Variants in OR51B5 observed in about 807,000 individuals in gnomAD.
OR51B5 encodes olfactory receptor 51B5.
For missense variants in OR51B5, 456 were observed against 374.6 expected, an observed-to-expected ratio of 1.22 and a Z score of -1.79; for synonymous variants, 186 against 144.8, an observed-to-expected ratio of 1.28 and a Z score of -2.04.
At chr11:5,454,009 T>C (rs992437080) in intron 1 of OR51B5, 2 of 1,614,020 alleles carry the variant, frequency 1.2e-6, no homozygotes, top group Non-Finnish European at 1.7e-6. Context: ...TCCAATGTTC[T>C]TTCTCACTCC....
At chr11:5,486,320 C>T (rs1851498989) in intron 1 of OR51B5, among the ~76,000 whole-genome samples, 1 of 152,096 alleles carries the variant, frequency 6.6e-6, no homozygotes, top group Admixed American at 6.5e-5. Flanking sequence ...TATTTATCTG[C>T]CTTTGCTAAA....
At chr11:5,430,530 T>TG in intron 1 of OR51B5, 1 of 362,810 alleles carries the variant, frequency 2.8e-6, no homozygotes, top group East Asian at 7.3e-5. Context: ...TCAAGCCTGT[T>TG]GCAATACTTT....
intron 1 of OR51B5, among the ~76,000 whole-genome samples, chr11:5,466,702 G>C (rs2133797913): frequency 6.6e-6 from 1 of 152,322 alleles, no homozygotes; most frequent in Admixed American, 6.5e-5. Flanking sequence ...GGGATCCTCT[G>C]AAGGGAGAGG....
chr11:5,351,350 A>C (rs1395365709), intron 1 of OR51B5, among the ~76,000 whole-genome samples: 1 of 152,172 alleles, frequency 6.6e-6, no homozygotes, highest in Non-Finnish European at 1.5e-5. Flanking sequence ...CATACCTAGG[A>C]TCTCCCAGGA....
intron 1 of OR51B5, chr11:5,454,366 G>A (rs773340123): frequency 1.2e-6 from 2 of 1,613,706 alleles, no homozygotes; most frequent in African/African-American, 1.3e-5. Context: ...CTCATTTATA[G>A]CGCCAAGACA....
At position 5,415,575 on chromosome 11, in the gene OR51B5, G is replaced by A. The variant is rs200386923; in HGVS notation, n.85-68665C>T. On this transcript the variant is annotated intron_variant and non_coding_transcript_variant, in intron 1 of 4. Transcript: ENST00000415970. Reference sequence around the variant, plus strand: ...GAGAGAAGAATCAAATAGATGCAATGAAAAATGATAAAGGGGATATCACCA... The same window carrying A: ...GAGAGAAGAATCAAATAGATGCAATAAAAAATGATAAAGGGGATATCACCA... Among the ~76,000 whole-genome samples, 568 of 152,090 alleles carry A rather than the reference G, an allele frequency of 3.7e-3. 6 individuals carry two copies. The highest frequency in any genetic ancestry group is 0.012 in the African/African-American group (518 of 41,482).
intron 1 of OR51B5, chr11:5,440,640 A>G: frequency 6.2e-7 from 1 of 1,613,868 alleles, no homozygotes. Flanking sequence ...ACTGTAGATG[A>G]TAGGGTTGAG....
chr11:5,467,623 T>C (rs1309922807), intron 1 of OR51B5, among the ~76,000 whole-genome samples: 1 of 152,216 alleles, frequency 6.6e-6, no homozygotes, highest in Non-Finnish European at 1.5e-5. Flanking sequence ...CTTGGCATGG[T>C]TTTTCAGAGG....
chr11:5,477,470 G>C (rs1238350144), intron 1 of OR51B5, among the ~76,000 whole-genome samples: 1 of 152,106 alleles, frequency 6.6e-6, no homozygotes, highest in Non-Finnish European at 1.5e-5. Flanking sequence ...TTCTGTCTCA[G>C]TTTATTACAA....
intron 1 of OR51B5, chr11:5,505,276 T>A: frequency 7.7e-7 from 1 of 1,290,882 alleles, no homozygotes; most frequent in Non-Finnish European, 1.0e-6. Flanking sequence ...CTCAGACCTA[T>A]CTGGACTTCC....
intron 1 of OR51B5, among the ~76,000 whole-genome samples, chr11:5,366,497 T>TAC (rs2133702773): frequency 6.6e-6 from 1 of 152,122 alleles, no homozygotes; most frequent in African/African-American, 2.4e-5. Context: ...TAATTGCAGC[T>TAC]ACACAGGAGG....
In OR51B5 at chr11:5,343,032, G is replaced by GA. The variant is rs752203618; in HGVS notation, c.492dup (p.Leu165SerfsTer20). ...GAAAGAACATGGGAGTGACAATACA[G>GA]AAAAAAATAGAGGGGCCTGATTGGG... On this transcript the variant is annotated frameshift_variant, in exon 1 of 1. Transcript: ENST00000300773. LOFTEE classifies it low-confidence loss of function (END_TRUNC). 32 of 1,613,204 alleles carry GA rather than the reference G, an allele frequency of 2.0e-5. No homozygotes were observed. In the East Asian group the frequency reaches 6.7e-4, roughly 34 times the overall value.
intron 1 of OR51B5, chr11:5,469,114 C>G: frequency 4.2e-6 from 1 of 236,084 alleles, no homozygotes; most frequent in Non-Finnish European, 8.5e-6. Context: ...GGATGAAGAA[C>G]GTCTGGGCCA....
rs1342079137 is a variant in OR51B5 at position 5,351,510 on chromosome 11, G to A, written n.85-4600C>T. ...TTTGCCTCTTTGCAAAGCTGGCAATGGGGCTCAATAAGTCTGCTTCCACCT... is the reference window on the plus strand; with the variant it reads ...TTTGCCTCTTTGCAAAGCTGGCAATAGGGCTCAATAAGTCTGCTTCCACCT... On this transcript the variant is annotated intron_variant and non_coding_transcript_variant, in intron 1 of 4. Transcript: ENST00000415970. 3 of 1,606,022 alleles carry A rather than the reference G, an allele frequency of 1.9e-6. No homozygotes were observed. In the South Asian group the frequency reaches 3.3e-5, roughly 18 times the overall value.
At chr11:5,420,668 G>C (rs560026903) in intron 1 of OR51B5, among the ~76,000 whole-genome samples, 33 of 151,970 alleles carry the variant, frequency 2.2e-4, no homozygotes, top group Middle Eastern at 6.8e-3. Flanking sequence ...CTTCACAAAG[G>C]AAAGATTTAA....
At chr11:5,422,628 T>C (rs753174001) in intron 1 of OR51B5, 12 of 1,614,008 alleles carry the variant, frequency 7.4e-6, no homozygotes, top group Non-Finnish European at 1.0e-5. Flanking sequence ...AATGAAGTCA[T>C]TGGTAGAACT....
chr11:5,381,180 A>ACACT (rs985867470), intron 1 of OR51B5, among the ~76,000 whole-genome samples: 3 of 148,580 alleles, frequency 2.0e-5, no homozygotes, highest in Non-Finnish European at 4.5e-5. Flanking sequence ...TCTCTCACAC[A>ACACT]CACACAAACA....
At chr11:5,382,994 G>C (rs2647550) in intron 1 of OR51B5, among the ~76,000 whole-genome samples, 61,935 of 152,000 alleles carry the variant, frequency 0.41, 12,837 homozygotes, top group South Asian at 0.54. Context: ...GTGGTGGAGA[G>C]GTTGTGTGTG....
At chr11:5,410,596 T>C (rs1032098225) in intron 1 of OR51B5, among the ~76,000 whole-genome samples, 2 of 152,116 alleles carry the variant, frequency 1.3e-5, no homozygotes, top group African/African-American at 4.8e-5. Context: ...TTTGAGAGAG[T>C]ATTTCTTCTA....
Sources: allele counts gnomAD v4.1 joint callset (sites outside exome capture counted in the v4.1 genomes callset), GRCh38; gene constraint gnomAD v4.1.1; transcripts MANE v1.5; gene names NCBI Gene and HGNC (gene_info 2026-07-23, HGNC 2026-07-21).